Variants in LINC00305 observed in about 807,000 individuals in gnomAD.
LINC00305 encodes long independently transcribed non-coding RNA 305, also known as long intergenic non-protein coding RNA 305.
intron 1 of LINC00305, among the ~76,000 whole-genome samples, chr18:64,137,644 T>G (rs2051441256): frequency 6.6e-6 from 1 of 152,216 alleles, no homozygotes; most frequent in Non-Finnish European, 1.5e-5. Context: ...TGAGGAGTGA[T>G]TCTCCTTTGC....
intron 1 of LINC00305, among the ~76,000 whole-genome samples, chr18:64,116,711 T>G (rs1397900061): frequency 6.6e-6 from 1 of 152,208 alleles, no homozygotes; most frequent in East Asian, 1.9e-4. Flanking sequence ...TGCCTTCACT[T>G]CACAGAGTTG....
At chr18:64,125,689 T>C (rs1172884209) in intron 1 of LINC00305, among the ~76,000 whole-genome samples, 1 of 152,082 alleles carries the variant, frequency 6.6e-6, no homozygotes, top group South Asian at 2.1e-4. Flanking sequence ...CCTTTTACAG[T>C]GAGTCTGATA....
At chr18:64,098,471 A>G in intron 2 of LINC00305, 1 of 414,480 alleles carries the variant, frequency 2.4e-6, no homozygotes, top group Non-Finnish European at 4.7e-6. Flanking sequence ...TGTACTCATA[A>G]GTAACATTCT....
chr18:64,148,581 G>A (rs193289634), intron 1 of LINC00305, among the ~76,000 whole-genome samples: 3 of 152,168 alleles, frequency 2.0e-5, no homozygotes, highest in East Asian at 3.9e-4. Flanking sequence ...GCAAGATGGG[G>A]GGTTATCTCC....
chr18:64,093,198 G>A (rs1262071819), intron 3 of LINC00305, among the ~76,000 whole-genome samples: 1 of 152,136 alleles, frequency 6.6e-6, no homozygotes, highest in Non-Finnish European at 1.5e-5. Context: ...AAATGTATAA[G>A]TATCTAGAGA....
rs1283009075 is a variant in LINC00305 at position 64,123,618 on chromosome 18, T to TA, written n.315-24979dup. 2.0e-5 allele frequency among the ~76,000 whole-genome samples: 3 copies of TA among 152,168 alleles called. No individual in the cohort carries two copies. The East Asian group carries it at 5.8e-4, about 29-fold the overall frequency. On this transcript the variant is annotated intron_variant and non_coding_transcript_variant, in intron 1 of 3. Coordinates refer to ENST00000666468, the Ensembl canonical transcript of LINC00305. The stretch of plus-strand genomic sequence containing the variant: ...CCCCTTTGGCTTATCCTATTTTATT[T>TA]ATTTTTTTTTAAGAATGCTCTTTCC...
chr18:64,110,124 T>C (rs2051308857), intron 1 of LINC00305, among the ~76,000 whole-genome samples: 1 of 152,204 alleles, frequency 6.6e-6, no homozygotes, highest in Non-Finnish European at 1.5e-5. Flanking sequence ...AAGGAGGCTT[T>C]GTATTGAGAT....
intron 1 of LINC00305, among the ~76,000 whole-genome samples, chr18:64,130,901 A>G (rs1447872301): frequency 6.6e-6 from 1 of 152,180 alleles, no homozygotes; most frequent in Admixed American, 6.6e-5. Context: ...GGGAGACGCT[A>G]TTGTGAAAGA....
At chr18:64,118,255 C>A (rs1022091567) in intron 1 of LINC00305, among the ~76,000 whole-genome samples, 8 of 152,068 alleles carry the variant, frequency 5.3e-5, no homozygotes, top group African/African-American at 1.9e-4. Context: ...AAACTGAGTT[C>A]AGTTAGGCTA....
At chr18:64,084,811 T>G (rs1438464334) in intron 3 of LINC00305, among the ~76,000 whole-genome samples, 5 of 152,220 alleles carry the variant, frequency 3.3e-5, no homozygotes. Flanking sequence ...GCCCCATATA[T>G]CTTTCATCTG....
chr18:64,082,334 C>T (rs1379821285), intron 3 of LINC00305, among the ~76,000 whole-genome samples: 1 of 151,994 alleles, frequency 6.6e-6, no homozygotes, highest in Admixed American at 6.6e-5. Flanking sequence ...CACCAAAAGC[C>T]CCAGTGATTT....
chr18:64,083,952 G>A (rs960876673), intron 3 of LINC00305, among the ~76,000 whole-genome samples: 3 of 152,172 alleles, frequency 2.0e-5, no homozygotes, highest in African/African-American at 7.2e-5. Flanking sequence ...TTCCTGTAGG[G>A]AGGATCCCCA....
chr18:64,086,779 G>A (rs1433101763), intron 3 of LINC00305, among the ~76,000 whole-genome samples: 1 of 152,112 alleles, frequency 6.6e-6, no homozygotes, highest in Non-Finnish European at 1.5e-5. Flanking sequence ...TGATTGTTTA[G>A]GCCCATGTGA....
chr18:64,098,926 T>C (rs904481264), intron 1 of LINC00305, among the ~76,000 whole-genome samples: 6 of 152,212 alleles, frequency 3.9e-5, no homozygotes. Context: ...CATTGAAGTT[T>C]CATACAATGT....
rs187247360 is a variant in LINC00305 at position 64,112,460 on chromosome 18, G to A, written n.315-13820C>T. On this transcript the variant is annotated intron_variant and non_coding_transcript_variant, in intron 1 of 3. Transcript: ENST00000666468. ...TATTTCCGTTGGAAGAAAATATGTG[G>A]ACTTGATTTAAGATTAGCATATGCA... Among the ~76,000 whole-genome samples, 135 of 152,144 alleles carry A rather than the reference G, an allele frequency of 8.9e-4. 1 individual carries two copies. The highest frequency in any genetic ancestry group is 3.2e-3 in the African/African-American group (133 of 41,512).
chr18:64,145,327 T>C (rs1433600201), intron 1 of LINC00305, among the ~76,000 whole-genome samples: 2 of 152,092 alleles, frequency 1.3e-5, no homozygotes, highest in Admixed American at 6.5e-5. Flanking sequence ...CATGTGACCA[T>C]CTCACCTCAT....
At chr18:64,129,459 G>C (rs1364010088) in intron 1 of LINC00305, among the ~76,000 whole-genome samples, 1 of 152,134 alleles carries the variant, frequency 6.6e-6, no homozygotes, top group Non-Finnish European at 1.5e-5. Context: ...TGGGTACCAA[G>C]AGCTGCAGGG....
chr18:64,124,475 A>G (rs1163844844), intron 1 of LINC00305, among the ~76,000 whole-genome samples: 1 of 152,122 alleles, frequency 6.6e-6, no homozygotes, highest in Non-Finnish European at 1.5e-5. Context: ...CAGGTAGAAC[A>G]CCTGGCATAT....
At chr18:64,095,731 A>G (rs1370026645) in intron 3 of LINC00305, among the ~76,000 whole-genome samples, 1 of 152,202 alleles carries the variant, frequency 6.6e-6, no homozygotes, top group Non-Finnish European at 1.5e-5. Flanking sequence ...GAAACAGATC[A>G]GAGAGAAATA....
Sources: gnomAD v4.1 joint callset for allele counts (sites outside exome capture counted in the v4.1 genomes callset) on GRCh38, gnomAD v4.1.1 for gene constraint, MANE v1.5 for transcripts, NCBI Gene and HGNC (gene_info 2026-07-23, HGNC 2026-07-21) for gene names.